RAB11FIP2: variants seen among roughly 807,000 people sequenced by gnomAD.
The protein encoded by RAB11FIP2 is RAB11 family interacting protein 2, also known as rab11 family-interacting protein 2.
Under a neutral mutation model 40.9 loss-of-function variants are expected in RAB11FIP2, and 16 were observed. The ratio of observed to expected loss-of-function variants is 0.39; its 90% CI spans 0.26 to 0.59. The LOEUF is 0.59. RAB11FIP2 is among the 20% of genes least tolerant of loss of function. The probability of loss-of-function intolerance (pLI) is 0.53; values close to 1 mark genes in which losing one functional copy is unlikely to be tolerated. For missense variants in RAB11FIP2, 532 were observed against 606.2 expected (o/e 0.88, Z 1.28); for synonymous variants, 228 against 213.7 (o/e 1.07, Z -0.58).
rs1846112344 is a variant in RAB11FIP2 at position 118,007,880 on chromosome 10, C to A, written c.*1118G>T. Reference sequence around the variant, plus strand: ...GTTCTCTTCTAAAAACTCACTCTTCCTTTAGTAAGTCTTATTTTGGTTCAA... The same window carrying A: ...GTTCTCTTCTAAAAACTCACTCTTCATTTAGTAAGTCTTATTTTGGTTCAA... On this transcript the variant is annotated 3_prime_UTR_variant, in exon 5 of 5. Coordinates refer to ENST00000355624, the MANE Select transcript of RAB11FIP2 (RefSeq NM_014904.3). 1 of 152,390 alleles carries A rather than the reference C, an allele frequency of 6.6e-6. No individual in the cohort carries two copies. Among genetic ancestry groups the A allele is most frequent in the South Asian group, 2.1e-4 (1 of 4,820 alleles). 9.4% of individuals were successfully genotyped at this position (152,390 alleles called of 1,614,324 possible). A position where few individuals can be genotyped will look rare whatever the true frequency, so the allele number is the denominator to read the frequency against.
At chr10:118,013,936 C>T (rs1000710749) in intron 4 of RAB11FIP2, among the ~76,000 whole-genome samples, 10 of 151,852 alleles carry the variant, frequency 6.6e-5, no homozygotes, top group African/African-American at 2.2e-4. Flanking sequence ...ATTAAGTAAC[C>T]GCCTGATAGA....
At position 118,006,666 on chromosome 10, in the gene RAB11FIP2, C is replaced by T. The variant is rs904501193; in HGVS notation, c.*2332G>A. Reference sequence around the variant, plus strand: ...TATTTTGACTGATTATGAAAATATGCAATAAGTTTACTCTAGGTAATGAGT... The same window carrying T: ...TATTTTGACTGATTATGAAAATATGTAATAAGTTTACTCTAGGTAATGAGT... On this transcript the variant is annotated 3_prime_UTR_variant, in exon 5 of 5. Coordinates refer to ENST00000355624, the MANE Select transcript of RAB11FIP2 (RefSeq NM_014904.3). 1 of 151,936 alleles carries T rather than the reference C, an allele frequency of 6.6e-6. No individual in the cohort carries two copies. Among genetic ancestry groups the T allele is most frequent in the African/African-American group, 2.4e-5 (1 of 41,372 alleles). 9.4% of individuals were successfully genotyped at this position (151,936 alleles called of 1,614,324 possible).
chr10:118,012,035 A>T (rs776011078), intron 4 of RAB11FIP2, among the ~76,000 whole-genome samples: 3 of 152,012 alleles, frequency 2.0e-5, no homozygotes, highest in Non-Finnish European at 4.4e-5. Flanking sequence ...GTAGTTAAAA[A>T]TTTTTTGTAA....
Position 118,046,200 on chromosome 10 carries a change from A to G in RAB11FIP2, c.-37T>C, listed in dbSNP as rs1480069364. 5.8e-6 allele frequency: 9 copies of G among 1,557,632 alleles called. No individual in the cohort carries two copies. The highest frequency in any genetic ancestry group is 7.9e-6 in the Non-Finnish European group (9 of 1,135,482). On this transcript the variant is annotated 5_prime_UTR_variant, in exon 1 of 5. Transcript: ENST00000355624. ...TCTCTGCCCCCGAGTTCCCTAGCAC[A>G]GGCAGTGCCCCTCCCGGAGGGAGAG...
chr10:118,041,815 A>G (rs1846563190), intron 1 of RAB11FIP2, among the ~76,000 whole-genome samples: 1 of 152,164 alleles, frequency 6.6e-6, no homozygotes, highest in Admixed American at 6.5e-5. Flanking sequence ...TTGATTAACT[A>G]AATTGGAGCT....
At chr10:118,022,227 C>G (rs1846290479) in intron 3 of RAB11FIP2, among the ~76,000 whole-genome samples, 1 of 152,146 alleles carries the variant, frequency 6.6e-6, no homozygotes, top group Non-Finnish European at 1.5e-5. Flanking sequence ...ATCGTTTCCT[C>G]CCTGCTCATT....
Position 118,008,958 on chromosome 10 carries a change from C to A in RAB11FIP2, c.*40G>T, listed in dbSNP as rs1589635577. On this transcript the variant is annotated 3_prime_UTR_variant, in exon 5 of 5. Coordinates refer to ENST00000355624, the MANE Select transcript of RAB11FIP2 (RefSeq NM_014904.3). ...TTTCCTTCCTTCCTTCTTTCTTTCT[C>A]TCTCTTTGTCCAATTATCAATACAA... 4.0e-6 allele frequency: 6 copies of A among 1,491,814 alleles called. No individual in the cohort carries two copies. The highest frequency in any genetic ancestry group is 5.6e-6 in the Non-Finnish European group (6 of 1,077,588). The allele number at this position is 1,491,814 out of a possible 1,614,324, so 92.4% of individuals were successfully genotyped here. A position where few individuals can be genotyped will look rare whatever the true frequency, so the allele number is the denominator to read the frequency against.
chr10:118,015,108 AAACT>A lies in RAB11FIP2; in HGVS notation c.1266-2_1267del. On this transcript the variant is annotated splice_acceptor_variant and coding_sequence_variant, in exon 4 of 5. Transcript: ENST00000355624. LOFTEE classifies it high-confidence loss of function. ...TTCATTGCTTGTTGGACTCATATGA[AAACT>A]AATAAAACACAAACAAATGTTAAAA... is the stretch of plus-strand genomic sequence containing the variant. The A allele has an allele frequency of 6.2e-7, 1 of 1,605,314 alleles. No homozygotes were observed. Among genetic ancestry groups the A allele is most frequent in the Non-Finnish European group, 8.5e-7 (1 of 1,175,070 alleles).
At chr10:118,036,070 T>C (rs1846477654) in intron 3 of RAB11FIP2, among the ~76,000 whole-genome samples, 1 of 150,992 alleles carries the variant, frequency 6.6e-6, no homozygotes, top group African/African-American at 2.5e-5. Context: ...ATAAAAAGTC[T>C]AACTTCTAAA....
chr10:118,009,004 G>A lies in RAB11FIP2; in HGVS notation c.1533C>T (p.Asn511=). 6.2e-7 allele frequency: 1 copy of A among 1,605,810 alleles called. No individual in the cohort carries two copies. Among genetic ancestry groups the A allele is most frequent in the Non-Finnish European group, 8.5e-7 (1 of 1,172,738 alleles). ...EPSRKAGKFS[N]S ...TACAATACAATTGGCTTTATTAACT[G>A]TTAGAGAATTTGCCAGCTTTCCTGG... The change falls in exon 5 of 5, where the codon AAC becomes AAT. Residue 511 remains asparagine (N), a synonymous_variant. Coordinates refer to ENST00000355624, the MANE Select transcript of RAB11FIP2 (RefSeq NM_014904.3).
chr10:118,038,957 C>G lies in RAB11FIP2; in HGVS notation c.1265+15G>C. Reference sequence around the variant, plus strand: ...ATTTTCCCAAATAGTAGAACTTCCCCCATATTAAGCTTACCTTGAAGATGG... The same window carrying G: ...ATTTTCCCAAATAGTAGAACTTCCCGCATATTAAGCTTACCTTGAAGATGG... On this transcript the variant is annotated intron_variant, in intron 3 of 4. Coordinates refer to ENST00000355624, the MANE Select transcript of RAB11FIP2 (RefSeq NM_014904.3). The G allele has an allele frequency of 1.3e-6, 2 of 1,512,686 alleles. No homozygotes were observed. Among genetic ancestry groups the G allele is most frequent in the Non-Finnish European group, 1.8e-6 (2 of 1,121,806 alleles). 93.7% of individuals were successfully genotyped at this position (1,512,686 alleles called of 1,614,324 possible). A position where few individuals can be genotyped will look rare whatever the true frequency, so the allele number is the denominator to read the frequency against.
rs911177938 is a variant in RAB11FIP2, at chr10:118,020,995, C to CT, written c.1266-5886dup. Among the ~76,000 whole-genome samples, 106 of 149,978 alleles carry CT rather than the reference C, an allele frequency of 7.1e-4. 4 individuals carry two copies. In the East Asian group the frequency reaches 0.015, roughly 22 times the overall value. On this transcript the variant is annotated intron_variant, in intron 3 of 4. Coordinates refer to ENST00000355624, the MANE Select transcript of RAB11FIP2 (RefSeq NM_014904.3). ...TATGCTCCATAACTACTTATTTTAA[C>CT]TTTTTTTTTTCAAAATATGCATAGC... is the stretch of plus-strand genomic sequence containing the variant.
At chr10:118,020,582 TC>T (rs1846272321) in intron 3 of RAB11FIP2, among the ~76,000 whole-genome samples, 1 of 151,976 alleles carries the variant, frequency 6.6e-6, no homozygotes, top group Non-Finnish European at 1.5e-5. Context: ...GGGTATTTAC[TC>T]CCCTTCCCCC....
At chr10:118,039,485 A>T (rs1472527643) in intron 2 of RAB11FIP2, 45 bp from the exon 3 acceptor site, 2 of 1,482,444 alleles carry the variant, frequency 1.3e-6, no homozygotes, top group South Asian at 2.4e-5. Flanking sequence ...GACACATTAC[A>T]TCACACTATT....
chr10:118,030,917 TTAAACA>T (rs1846405795), intron 3 of RAB11FIP2, among the ~76,000 whole-genome samples: 1 of 152,022 alleles, frequency 6.6e-6, no homozygotes, highest in African/African-American at 2.4e-5. Context: ...ATCTGGGGAG[TTAAACA>T]TAAAAGTTCT....
At chr10:118,010,049 C>T (rs1314361162) in intron 4 of RAB11FIP2, among the ~76,000 whole-genome samples, 5 of 152,032 alleles carry the variant, frequency 3.3e-5, no homozygotes, top group Admixed American at 1.3e-4. Context: ...TTAAAAGACA[C>T]TTATTAATTC....
Position 118,030,683 on chromosome 10 carries a change from C to T in RAB11FIP2, c.1265+8289G>A, listed in dbSNP as rs113978100. Among the ~76,000 whole-genome samples, 795 of 151,042 alleles carry T rather than the reference C, an allele frequency of 5.3e-3. 7 individuals carry two copies. The highest frequency in any genetic ancestry group is 0.019 in the African/African-American group (766 of 41,144). ...CTTCTCTCTCAGAATCTTGCTATAT[C>T]TCAATCTCTCAAGAAAAAAAAAAAA... On this transcript the variant is annotated intron_variant, in intron 3 of 4. Coordinates refer to ENST00000355624, the MANE Select transcript of RAB11FIP2 (RefSeq NM_014904.3).
chr10:118,023,080 C>A (rs918629897), intron 3 of RAB11FIP2, among the ~76,000 whole-genome samples: 4 of 152,208 alleles, frequency 2.6e-5, no homozygotes, highest in Non-Finnish European at 4.4e-5. Flanking sequence ...AACTGGTGGA[C>A]TGCCAACAGA....
intron 4 of RAB11FIP2, among the ~76,000 whole-genome samples, chr10:118,013,038 T>C (rs1846176070): frequency 6.6e-6 from 1 of 152,138 alleles, no homozygotes; most frequent in African/African-American, 2.4e-5. Context: ...CTGCTAGTGA[T>C]CTATTTTTGC....
Sources: gnomAD v4.1 joint callset for allele counts (sites outside exome capture counted in the v4.1 genomes callset) on GRCh38, gnomAD v4.1.1 for gene constraint, MANE v1.5 for transcripts, NCBI Gene and HGNC (gene_info 2026-07-23, HGNC 2026-07-21) for gene names.